CNTN4: variants seen among roughly 807,000 people sequenced by gnomAD.
The protein encoded by CNTN4 is contactin-4.
CNTN4 carries 77 observed loss-of-function variants against 122.5 expected under a neutral mutation model. That is an observed-to-expected ratio of 0.63 (90% CI 0.52 to 0.76). CNTN4 has a LOEUF of 0.76. CNTN4 is among the 30% of genes least tolerant of loss of function. The pLI, the probability that CNTN4 is intolerant of heterozygous loss-of-function variation, is 0.00. For synonymous variants in CNTN4, 512 were observed against 447.0 expected (o/e 1.15, Z -1.83); for missense variants, 1,256 against 1,259.1 (o/e 1.00, Z 0.04).
At chr3:2,922,800 G>A (rs35563056) in intron 12 of CNTN4, among the ~76,000 whole-genome samples, 1,752 of 151,934 alleles carry the variant, frequency 0.012, 14 homozygotes, top group Non-Finnish European at 0.018. Context: ...TAGTAGAGAC[G>A]GGGTTTTGCC....
At chr3:2,752,600 C>G (rs2090148729) in intron 6 of CNTN4, among the ~76,000 whole-genome samples, 1 of 152,196 alleles carries the variant, frequency 6.6e-6, no homozygotes, top group Admixed American at 6.5e-5. Flanking sequence ...ATCTGCCCAT[C>G]TCGGCCTCCC....
intron 12 of CNTN4, among the ~76,000 whole-genome samples, chr3:2,922,312 C>T (rs1185754969): frequency 2.6e-5 from 4 of 152,094 alleles, no homozygotes; most frequent in Non-Finnish European, 4.4e-5. Context: ...AGAACAGGTC[C>T]CTTTCACTTT....
At chr3:2,448,307 A>G (rs756810415) in intron 3 of CNTN4, among the ~76,000 whole-genome samples, 4 of 152,204 alleles carry the variant, frequency 2.6e-5, no homozygotes, top group Admixed American at 6.5e-5. Flanking sequence ...TTCTGGAACT[A>G]GAGTGTTGCC....
At position 2,316,258 on chromosome 3, in the gene CNTN4, G is replaced by C. The variant is rs1373379459; in HGVS notation, c.-144-22920G>C. Among the ~76,000 whole-genome samples, 3 of 151,760 alleles carry C rather than the reference G, an allele frequency of 2.0e-5. No homozygotes were observed. The South Asian group carries it at 6.3e-4, about 32-fold the overall frequency. ...GCAGATAGAGTCTTTTATTTTATTT[G>C]ATCTCTATATATTAATTCATCTGTC... is the stretch of plus-strand genomic sequence containing the variant. On this transcript the variant is annotated intron_variant, in intron 2 of 24. Coordinates refer to ENST00000418658, the MANE Select transcript of CNTN4 (RefSeq NM_175607.3).
intron 23 of CNTN4, among the ~76,000 whole-genome samples, chr3:3,044,978 T>G (rs1349499565): frequency 6.6e-6 from 1 of 152,176 alleles, no homozygotes. Flanking sequence ...ATCCCATGCA[T>G]GGCTCAGAGG....
At chr3:2,853,338 G>A (rs551038765) in intron 7 of CNTN4, among the ~76,000 whole-genome samples, 21 of 152,148 alleles carry the variant, frequency 1.4e-4, no homozygotes, top group African/African-American at 4.3e-4. Context: ...TCCGCCTCCC[G>A]GGTTCAAGCG....
At chr3:2,275,197 A>G (rs1377328688) in intron 2 of CNTN4, among the ~76,000 whole-genome samples, 3 of 152,196 alleles carry the variant, frequency 2.0e-5, no homozygotes, top group Admixed American at 1.3e-4. Flanking sequence ...ATATCAGCTG[A>G]ATGCTTTCAT....
chr3:2,961,247 A>G (rs1344233984), intron 13 of CNTN4, among the ~76,000 whole-genome samples: 1 of 147,710 alleles, frequency 6.8e-6, no homozygotes, highest in Non-Finnish European at 1.5e-5. Flanking sequence ...AAAAAAAAAA[A>G]AAAGGCCTAC....
chr3:2,559,254 A>C (rs1441207012), intron 3 of CNTN4, among the ~76,000 whole-genome samples: 1 of 152,208 alleles, frequency 6.6e-6, no homozygotes, highest in Non-Finnish European at 1.5e-5. Flanking sequence ...TCTGATAATG[A>C]AGTACCCCAC....
intron 12 of CNTN4, among the ~76,000 whole-genome samples, chr3:2,922,982 G>C (rs1559671565): frequency 6.6e-6 from 1 of 152,288 alleles, no homozygotes; most frequent in East Asian, 1.9e-4. Flanking sequence ...ATATCCAAAA[G>C]ATTATATGCA....
intron 8 of CNTN4, among the ~76,000 whole-genome samples, chr3:2,880,487 T>C (rs2093895128): frequency 6.6e-6 from 1 of 152,210 alleles, no homozygotes. Flanking sequence ...GATTCAACGG[T>C]ACGGGCTGTT....
At chr3:2,639,493 G>A (rs1258273450) in intron 4 of CNTN4, among the ~76,000 whole-genome samples, 1 of 152,032 alleles carries the variant, frequency 6.6e-6, no homozygotes, top group Admixed American at 6.6e-5. Context: ...CACATTCATG[G>A]AGCTCCCTTA....
At chr3:2,481,732 G>A (rs944839902) in intron 3 of CNTN4, among the ~76,000 whole-genome samples, 3 of 151,918 alleles carry the variant, frequency 2.0e-5, no homozygotes, top group Non-Finnish European at 2.9e-5. Flanking sequence ...TTAAATCATG[G>A]GGGTGGTTCT....
At chr3:2,476,257 A>G (rs569187808) in intron 3 of CNTN4, among the ~76,000 whole-genome samples, 2 of 152,308 alleles carry the variant, frequency 1.3e-5, no homozygotes, top group Non-Finnish European at 2.9e-5. Context: ...AACCAGAGGC[A>G]GAGTAGGTTA....
At chr3:2,825,245 G>A (rs2092962204) in intron 7 of CNTN4, among the ~76,000 whole-genome samples, 2 of 151,204 alleles carry the variant, frequency 1.3e-5, no homozygotes, top group South Asian at 4.2e-4. Context: ...ATTTTATTTG[G>A]GACAGAGTCT....
In CNTN4 at chr3:2,180,564, T is replaced by C. The variant is rs924484363; in HGVS notation, c.-145+79925T>C. Among the ~76,000 whole-genome samples, 6 of 152,056 alleles carry C rather than the reference T, an allele frequency of 3.9e-5. 1 individual carries two copies. Among genetic ancestry groups the C allele is most frequent in the African/African-American group, 1.4e-4 (6 of 41,432 alleles). On this transcript the variant is annotated intron_variant, in intron 2 of 24. Transcript: ENST00000418658. Reference sequence around the variant, plus strand: ...AAAGGCTTGACTGCAAGAAAGTTACTGATTAGTTTGATTTTTAGGGTTTCT... The same window carrying C: ...AAAGGCTTGACTGCAAGAAAGTTACCGATTAGTTTGATTTTTAGGGTTTCT...
chr3:2,937,053 A>G (rs1013101311), intron 13 of CNTN4, among the ~76,000 whole-genome samples: 1 of 152,178 alleles, frequency 6.6e-6, no homozygotes, highest in African/African-American at 2.4e-5. Flanking sequence ...GATCTAACTC[A>G]TGGTACATTT....
In CNTN4 at chr3:2,407,058, A is replaced by G. The variant is rs76504744; in HGVS notation, c.-89+67825A>G. Among the ~76,000 whole-genome samples, 35 of 152,316 alleles carry G rather than the reference A, an allele frequency of 2.3e-4. No homozygotes were observed. In the East Asian group the frequency reaches 6.7e-3, roughly 29 times the overall value. ...AAGCAGATATTAAAATTAAGCATGC[A>G]AGATATCTTTCTTCGTCTAACTCAC... On this transcript the variant is annotated intron_variant, in intron 3 of 24. Transcript: ENST00000418658.
chr3:2,764,579 G>A (rs1050636103), intron 6 of CNTN4, among the ~76,000 whole-genome samples: 1 of 152,166 alleles, frequency 6.6e-6, no homozygotes, highest in Admixed American at 6.5e-5. Context: ...AAGATTTACT[G>A]AGGCCACTAT....
Sources: allele counts gnomAD v4.1 joint callset (sites outside exome capture counted in the v4.1 genomes callset), GRCh38; gene constraint gnomAD v4.1.1; transcripts MANE v1.5; gene names NCBI Gene and HGNC (gene_info 2026-07-23, HGNC 2026-07-21).